GNG7: variants seen among roughly 807,000 people sequenced by gnomAD.
The protein encoded by GNG7 is G protein subunit gamma 7.
In GNG7, 1 loss-of-function variant was observed where a neutral mutation model predicts 4.0. That is an observed-to-expected ratio of 0.25 (90% CI 0.09 to 1.18). GNG7 has a LOEUF of 1.18. Among genes scored for constraint, GNG7 ranks in the 50% most tolerant of loss-of-function variants. The probability of loss-of-function intolerance (pLI) is 0.50; values close to 1 mark genes in which losing one functional copy is unlikely to be tolerated. For synonymous variants in GNG7, 34 were observed against 36.9 expected (o/e 0.92, Z 0.29); for missense variants, 86 against 91.9 (o/e 0.94, Z 0.26).
chr19:2,558,254 T>TTG (rs539787255), intron 2 of GNG7, among the ~76,000 whole-genome samples: 3,841 of 151,392 alleles, frequency 0.025, 67 homozygotes, highest in South Asian at 0.044. Context: ...GTTTTTGTTT[T>TTG]TTTTTTGAGA....
In GNG7 at chr19:2,514,865, G is replaced by C; in HGVS notation, c.*157C>G. The C allele has an allele frequency of 1.6e-6, 1 of 623,516 alleles. No homozygotes were observed. The highest frequency in any genetic ancestry group is 2.9e-5 in the East Asian group (1 of 34,680). The allele number at this position is 623,516 out of a possible 1,614,324, so 38.6% of individuals were successfully genotyped here. ...GGGCGGTGGGAACGCCTTTTTTGGCGGGGAGAGGGGGGATTTCTTTTGGAA... is the reference window on the plus strand; with the variant it reads ...GGGCGGTGGGAACGCCTTTTTTGGCCGGGAGAGGGGGGATTTCTTTTGGAA... On this transcript the variant is annotated 3_prime_UTR_variant, in exon 5 of 5. Coordinates refer to ENST00000382159, the MANE Select transcript of GNG7 (RefSeq NM_052847.3).
intron 1 of GNG7, among the ~76,000 whole-genome samples, chr19:2,675,809 T>G (rs768052457): frequency 6.6e-6 from 1 of 151,726 alleles, no homozygotes; most frequent in Non-Finnish European, 1.5e-5. Flanking sequence ...GGATGGCCCC[T>G]CCCCAGAGAA....
At chr19:2,578,036 C>T (rs574549471) in intron 2 of GNG7, among the ~76,000 whole-genome samples, 7 of 151,874 alleles carry the variant, frequency 4.6e-5, no homozygotes, top group African/African-American at 1.2e-4. Flanking sequence ...ACGGAGGTCT[C>T]GTTGTTGCCC....
chr19:2,538,810 C>T (rs142216309), intron 3 of GNG7: 46,845 of 370,150 alleles, frequency 0.13, 3,356 homozygotes, highest in East Asian at 0.26. Context: ...ACTCTGTCTC[C>T]CAGGCTGGAG....
At chr19:2,543,715 C>A (rs540486285) in intron 3 of GNG7, among the ~76,000 whole-genome samples, 1 of 152,188 alleles carries the variant, frequency 6.6e-6, no homozygotes, top group Non-Finnish European at 1.5e-5. Context: ...CAGCTCAGAG[C>A]GGGCTCTGGC....
intron 1 of GNG7, among the ~76,000 whole-genome samples, chr19:2,691,565 A>C (rs1198277991): frequency 1.3e-5 from 2 of 151,730 alleles, no homozygotes; most frequent in African/African-American, 2.4e-5. Context: ...AAATTAAAAA[A>C]ATAATAATAA....
chr19:2,575,972 C>G (rs1446918115), intron 2 of GNG7, among the ~76,000 whole-genome samples: 1 of 130,372 alleles, frequency 7.7e-6, no homozygotes. Context: ...GACACAGGCA[C>G]ATGCAGGCAG....
At chr19:2,587,443 C>CTT (rs1157903852) in intron 2 of GNG7, among the ~76,000 whole-genome samples, 1 of 152,180 alleles carries the variant, frequency 6.6e-6, no homozygotes, top group Non-Finnish European at 1.5e-5. Flanking sequence ...TGAGATGCAA[C>CTT]TGCAAGGGGC....
chr19:2,553,093 A>G (rs1293526297), intron 3 of GNG7, among the ~76,000 whole-genome samples: 2 of 150,922 alleles, frequency 1.3e-5, no homozygotes, highest in Non-Finnish European at 2.9e-5. Context: ...GGTGATTGAC[A>G]AACCTCTAGC....
intron 2 of GNG7, among the ~76,000 whole-genome samples, chr19:2,568,076 T>A (rs1979977572): frequency 6.7e-6 from 1 of 149,140 alleles, no homozygotes; most frequent in South Asian, 2.1e-4. Flanking sequence ...CATACACACA[T>A]ATACACATGC....
intron 1 of GNG7, among the ~76,000 whole-genome samples, chr19:2,654,290 G>A (rs1377087897): frequency 1.3e-5 from 2 of 152,048 alleles, no homozygotes; most frequent in African/African-American, 2.4e-5. Context: ...CGGGTTCCCA[G>A]AGCAGCCTCC....
At chr19:2,661,354 A>AAGAAAGAAAGAAAGAAAGAG (rs1240692794) in intron 1 of GNG7, among the ~76,000 whole-genome samples, 1 of 147,470 alleles carries the variant, frequency 6.8e-6, no homozygotes, top group African/African-American at 2.5e-5. Flanking sequence ...GAAAGAAAGA[A>AAGAAAGAAAGAAAGAAAGAG]AGAAAGAAAT....
At chr19:2,649,168 C>T (rs952106297) in intron 1 of GNG7, among the ~76,000 whole-genome samples, 57 of 152,006 alleles carry the variant, frequency 3.7e-4, no homozygotes, top group Non-Finnish European at 7.1e-4. Flanking sequence ...AACTCCTGGG[C>T]TCAAGTGATC....
At chr19:2,592,611 C>A (rs1314727003) in intron 2 of GNG7, among the ~76,000 whole-genome samples, 1 of 151,734 alleles carries the variant, frequency 6.6e-6, no homozygotes, top group East Asian at 1.9e-4. Flanking sequence ...CTGGTATGTG[C>A]CCATGGTCCC....
intron 3 of GNG7, among the ~76,000 whole-genome samples, chr19:2,533,088 A>G (rs543637448): frequency 1.3e-5 from 2 of 152,232 alleles, no homozygotes; most frequent in South Asian, 4.1e-4. Context: ...ATTTCACACA[A>G]TGAAATACGG....
At chr19:2,625,030 C>T (rs7260410) in intron 2 of GNG7, among the ~76,000 whole-genome samples, 33,793 of 152,130 alleles carry the variant, frequency 0.22, 7,506 homozygotes, top group African/African-American at 0.58. Flanking sequence ...GGGCTCGGGC[C>T]CTGTGCCGAG....
Position 2,568,751 on chromosome 19 carries a change from TACAC to T in GNG7, c.-77-13567_-77-13564del, listed in dbSNP as rs557655814. On this transcript the variant is annotated intron_variant, in intron 2 of 4. Transcript: ENST00000382159. Reference sequence around the variant, plus strand: ...AGACACATATACATACATACACACATACACACATACACATATACACATAAATACA... The same window carrying T: ...AGACACATATACATACATACACACATACATACACATATACACATAAATACA... 2.0e-3 allele frequency among the ~76,000 whole-genome samples: 293 copies of T among 150,190 alleles called. 1 individual carries two copies. Among genetic ancestry groups the T allele is most frequent in the African/African-American group, 5.8e-3 (237 of 40,780 alleles).
In GNG7 at chr19:2,614,297, G is replaced by A. The variant is rs1981660295; in HGVS notation, c.-78+31927C>T. ...ACCCGCAGGGGGGCCCTGCACGTCGGGTCTCAGGCACATGTGTGGTGAAAT... is the reference window on the plus strand; with the variant it reads ...ACCCGCAGGGGGGCCCTGCACGTCGAGTCTCAGGCACATGTGTGGTGAAAT... On this transcript the variant is annotated intron_variant, in intron 2 of 4. Coordinates refer to ENST00000382159, the MANE Select transcript of GNG7 (RefSeq NM_052847.3). This position sits in a 1 kb window ranked among gnomAD's most constrained non-coding sequence, Gnocchi z 6.0. Among the ~76,000 whole-genome samples the A allele has an allele frequency of 6.6e-6, 1 of 152,226 alleles. No homozygotes were observed. The highest frequency in any genetic ancestry group is 2.4e-5 in the African/African-American group (1 of 41,448).
At chr19:2,551,575 T>TTTATA (rs1979322113) in intron 3 of GNG7, among the ~76,000 whole-genome samples, 13 of 78,696 alleles carry the variant, frequency 1.7e-4, no homozygotes, top group East Asian at 1.5e-3. Context: ...CTATTATCTA[T>TTTATA]AATATATAAA....
Sources: gnomAD v4.1 joint callset for allele counts (sites outside exome capture counted in the v4.1 genomes callset) on GRCh38, gnomAD v4.1.1 for gene constraint, Gnocchi (gnomAD v3.1) non-coding constraint, MANE v1.5 for transcripts, NCBI Gene and HGNC (gene_info 2026-07-23, HGNC 2026-07-21) for gene names.